ARNT: variants seen among roughly 807,000 people sequenced by gnomAD.
ARNT encodes the protein aryl hydrocarbon receptor nuclear translocator.
Under a neutral mutation model 105.0 loss-of-function variants are expected in ARNT, and 30 were observed. That is an observed-to-expected ratio of 0.29 (90% CI 0.21 to 0.39). The LOEUF (loss-of-function observed/expected upper bound fraction) is 0.39. Ranked by LOEUF, ARNT falls within the 10% of genes least tolerant of loss-of-function variation. ARNT has a pLI of 1.00. For missense variants in ARNT, 748 were observed against 978.7 expected (o/e 0.76, Z 3.15); for synonymous variants, 304 against 344.0 (o/e 0.88, Z 1.29).
intron 14 of ARNT, among the ~76,000 whole-genome samples, chr1:150,822,762 C>T (rs1657371865): frequency 6.6e-6 from 1 of 152,160 alleles, no homozygotes; most frequent in Admixed American, 6.5e-5. Flanking sequence ...ACAGGTAAAA[C>T]AACCTGGGGC....
rs780354320 is a variant in ARNT at position 150,810,419 on chromosome 1, T to C, written c.*1602A>G. 4.0e-4 allele frequency: 90 copies of C among 222,570 alleles called. No homozygotes were observed. Among genetic ancestry groups the C allele is most frequent in the Non-Finnish European group, 6.7e-4 (74 of 111,100 alleles). 13.8% of individuals were successfully genotyped at this position (222,570 alleles called of 1,614,324 possible). ...TTGTGATATAAATATATATGTATAC[T>C]GTAAGTGTGCACATAGAATAAAAAA... On this transcript the variant is annotated 3_prime_UTR_variant, in exon 22 of 22. Transcript: ENST00000358595.
chr1:150,845,244 C>T (rs1661984788), intron 4 of ARNT, among the ~76,000 whole-genome samples: 1 of 152,076 alleles, frequency 6.6e-6, no homozygotes, highest in African/African-American at 2.4e-5. Context: ...ATGATCATGC[C>T]ACTGTACTCC....
chr1:150,863,050 CAAAAAAAA>C (rs143880940), intron 1 of ARNT, among the ~76,000 whole-genome samples: 6 of 59,744 alleles, frequency 1.0e-4, no homozygotes, highest in African/African-American at 4.0e-4. Flanking sequence ...GATTCCGTCT[CAAAAAAAA>C]AAAAAAAAAA....
At chr1:150,857,903 A>C (rs1276659162) in intron 2 of ARNT, among the ~76,000 whole-genome samples, 1 of 152,184 alleles carries the variant, frequency 6.6e-6, no homozygotes, top group African/African-American at 2.4e-5. Flanking sequence ...GGAATTTAAT[A>C]AATACTTTTG....
chr1:150,867,654 T>G (rs1156998599), intron 1 of ARNT, among the ~76,000 whole-genome samples: 1 of 152,194 alleles, frequency 6.6e-6, no homozygotes. Flanking sequence ...ATGGTTTGGC[T>G]CTGTGTGTCT....
intron 14 of ARNT, among the ~76,000 whole-genome samples, chr1:150,822,451 A>T (rs1205887267): frequency 2.0e-5 from 3 of 152,164 alleles, no homozygotes; most frequent in African/African-American, 7.2e-5. Context: ...CAATGATTTA[A>T]TCACTCATGG....
chr1:150,815,781 G>A (rs1360413460), intron 19 of ARNT, among the ~76,000 whole-genome samples: 4 of 146,520 alleles, frequency 2.7e-5, no homozygotes, highest in African/African-American at 5.1e-5. Flanking sequence ...GGAGAATGGC[G>A]TGAACCCGGG....
chr1:150,819,095 G>A (rs2101643533), intron 14 of ARNT, among the ~76,000 whole-genome samples: 1 of 152,162 alleles, frequency 6.6e-6, no homozygotes, highest in East Asian at 1.9e-4. Flanking sequence ...CTTGTCACTA[G>A]GTATTATTCA....
chr1:150,860,084 C>T (rs1212931970), intron 1 of ARNT, among the ~76,000 whole-genome samples: 1 of 151,566 alleles, frequency 6.6e-6, no homozygotes, highest in East Asian at 1.9e-4. Context: ...TTTCAATATA[C>T]ATCATGAATA....
chr1:150,821,616 C>T (rs1657080298), intron 14 of ARNT, among the ~76,000 whole-genome samples: 1 of 152,108 alleles, frequency 6.6e-6, no homozygotes, highest in African/African-American at 2.4e-5. Context: ...TGCCATTGTA[C>T]AAACGGTGTG....
intron 13 of ARNT, among the ~76,000 whole-genome samples, chr1:150,825,741 C>CGG (rs1010562226): frequency 6.6e-6 from 1 of 151,460 alleles, no homozygotes; most frequent in African/African-American, 2.4e-5. Context: ...CCCAGCTACT[C>CGG]GGGGGGCTGA....
Sources: gnomAD v4.1 joint callset for allele counts (sites outside exome capture counted in the v4.1 genomes callset) on GRCh38, gnomAD v4.1.1 for gene constraint, MANE v1.5 for transcripts, NCBI Gene and HGNC (gene_info 2026-07-23, HGNC 2026-07-21) for gene names.